UNC13C: variants seen among roughly 807,000 people sequenced by gnomAD.
UNC13C encodes protein unc-13 homolog C.
UNC13C carries 174 observed loss-of-function variants against 245.4 expected under a neutral mutation model. That is an observed-to-expected ratio of 0.71 (90% CI 0.63 to 0.80). UNC13C has a LOEUF of 0.80. Ranked by LOEUF, UNC13C falls within the 30% of genes least tolerant of loss-of-function variation. The pLI is 0.00. For missense variants in UNC13C, 2,829 were observed against 2,602.9 expected (o/e 1.09, Z -1.89); for synonymous variants, 992 against 895.1 (o/e 1.11, Z -1.93).
intron 24 of UNC13C, among the ~76,000 whole-genome samples, chr15:54,521,110 G>A (rs1305099120): frequency 2.0e-5 from 3 of 152,154 alleles, no homozygotes; most frequent in Non-Finnish European, 2.9e-5. Context: ...AAGTTAAACA[G>A]CATTTTTCTT....
chr15:54,045,188 A>G (rs1896981321), intron 2 of UNC13C, among the ~76,000 whole-genome samples: 5 of 152,210 alleles, frequency 3.3e-5, no homozygotes, highest in Middle Eastern at 6.8e-3. Flanking sequence ...TTCTTCTAAG[A>G]GTTTTATTTA....
chr15:54,298,826 A>T (rs1251600612), intron 12 of UNC13C, among the ~76,000 whole-genome samples: 1 of 152,178 alleles, frequency 6.6e-6, no homozygotes, highest in Non-Finnish European at 1.5e-5. Context: ...ATGTGTTTCA[A>T]AGTAACAAAG....
At chr15:54,291,050 A>C (rs2037284414) in intron 10 of UNC13C, among the ~76,000 whole-genome samples, 1 of 152,110 alleles carries the variant, frequency 6.6e-6, no homozygotes, top group African/African-American at 2.4e-5. Flanking sequence ...GAAATAAACT[A>C]GTAGTTGTGT....
chr15:53,917,247 A>G, the UNC13C span, among the ~76,000 whole-genome samples: 1 of 152,330 alleles, frequency 6.6e-6, no homozygotes, highest in Non-Finnish European at 1.5e-5. Context: ...CCTGATGAAT[A>G]AACCTCCCAG....
At chr15:54,394,363 C>T (rs978560761) in intron 18 of UNC13C, among the ~76,000 whole-genome samples, 1 of 151,708 alleles carries the variant, frequency 6.6e-6, no homozygotes, top group Non-Finnish European at 1.5e-5. Flanking sequence ...TCTGCCTTTT[C>T]TTCCTGATGG....
intron 4 of UNC13C, among the ~76,000 whole-genome samples, chr15:54,221,457 T>C (rs1281210093): frequency 6.6e-6 from 1 of 151,544 alleles, no homozygotes; most frequent in Admixed American, 6.6e-5. Flanking sequence ...ATGGAGTCTA[T>C]AATAGTCATC....
At chr15:54,000,058 G>A (rs1301348287) in intron 1 of UNC13C, among the ~76,000 whole-genome samples, 1 of 152,022 alleles carries the variant, frequency 6.6e-6, no homozygotes, top group Non-Finnish European at 1.5e-5. Context: ...AGAAAAATTA[G>A]ATGACTTCCA....
the UNC13C span, among the ~76,000 whole-genome samples, chr15:53,864,276 G>C: frequency 6.6e-6 from 1 of 152,096 alleles, no homozygotes; most frequent in African/African-American, 2.4e-5. Flanking sequence ...TACTGAGGTT[G>C]GTGTGATCAC....
At chr15:54,030,082 C>T (rs1446171191) in intron 2 of UNC13C, among the ~76,000 whole-genome samples, 1 of 152,146 alleles carries the variant, frequency 6.6e-6, no homozygotes, top group Non-Finnish European at 1.5e-5. Flanking sequence ...GCAGCAGCGG[C>T]AGCAGGTTCA....
intron 19 of UNC13C, among the ~76,000 whole-genome samples, chr15:54,471,495 A>G (rs1892458942): frequency 6.6e-6 from 1 of 151,516 alleles, no homozygotes; most frequent in African/African-American, 2.4e-5. Context: ...GTTTTGTCTG[A>G]AATAAGTATA....
At chr15:54,544,084 A>G (rs1896370036) in intron 26 of UNC13C, among the ~76,000 whole-genome samples, 1 of 152,148 alleles carries the variant, frequency 6.6e-6, no homozygotes, top group Admixed American at 6.5e-5. Context: ...GCACATCAAA[A>G]AGCTTATCTA....
the UNC13C span, among the ~76,000 whole-genome samples, chr15:53,850,696 C>T: frequency 6.6e-6 from 1 of 152,064 alleles, no homozygotes; most frequent in African/African-American, 2.4e-5. Context: ...TTTTATTCAG[C>T]ATATTTGATG....
intron 8 of UNC13C, among the ~76,000 whole-genome samples, chr15:54,255,451 C>A (rs551390411): frequency 6.6e-6 from 1 of 152,114 alleles, no homozygotes; most frequent in East Asian, 1.9e-4. Flanking sequence ...AGTCTGCCGA[C>A]GTGACGATTT....
intron 14 of UNC13C, among the ~76,000 whole-genome samples, chr15:54,331,532 C>T (rs906664694): frequency 3.3e-5 from 5 of 152,068 alleles, no homozygotes; most frequent in Non-Finnish European, 1.5e-5. Flanking sequence ...TCTGCATTTG[C>T]TTCCAAAAAG....
In UNC13C at chr15:54,393,166, C is replaced by T. The variant is rs2039998115; in HGVS notation, c.4832C>T (p.Thr1611Ile). Residue 1611 changes from threonine (T) to isoleucine (I), a missense_variant, in exon 18 of 33, where the codon ACA (threonine) becomes ATA (isoleucine). By Grantham distance (89) the Thr-to-Ile change is moderately conservative. Coordinates refer to ENST00000260323, the MANE Select transcript of UNC13C (RefSeq NM_001080534.3). The stretch of plus-strand genomic sequence containing the variant: ...ATTGATGAGGATAAAACTGCCTACA[C>T]ACCTGTCCTGAATCAGTAAGTACAA... Reference protein sequence around the residue: ...TIIDEDKTAYTPVLNQFPQEL... With the variant: ...TIIDEDKTAYIPVLNQFPQEL... 6.3e-7 allele frequency: 1 copy of T among 1,592,916 alleles called. No individual in the cohort carries two copies. Among genetic ancestry groups the T allele is most frequent in the Non-Finnish European group, 8.5e-7 (1 of 1,172,992 alleles).
the UNC13C span, among the ~76,000 whole-genome samples, chr15:53,944,942 T>C: frequency 1.3e-5 from 2 of 152,224 alleles, no homozygotes; most frequent in African/African-American, 4.8e-5. Context: ...TTTTACTTTT[T>C]AATAATAGCC....
intron 19 of UNC13C, among the ~76,000 whole-genome samples, chr15:54,441,703 ATT>A (rs77178188): frequency 1.3e-5 from 2 of 150,580 alleles, no homozygotes; most frequent in African/African-American, 2.4e-5. Flanking sequence ...GAATTTTAGG[ATT>A]TTTTTTTTCA....
At chr15:54,210,861 G>A (rs1244695663) in intron 4 of UNC13C, among the ~76,000 whole-genome samples, 3 of 152,102 alleles carry the variant, frequency 2.0e-5, no homozygotes, top group African/African-American at 7.2e-5. Context: ...GGCCTTTGTG[G>A]ATGCAGGACA....
At chr15:54,208,061 G>C (rs1037876439) in intron 4 of UNC13C, among the ~76,000 whole-genome samples, 1 of 152,112 alleles carries the variant, frequency 6.6e-6, no homozygotes, top group Non-Finnish European at 1.5e-5. Flanking sequence ...CACTTGCTCA[G>C]CTTCTGGTGA....
Sources: allele counts gnomAD v4.1 joint callset (sites outside exome capture counted in the v4.1 genomes callset), GRCh38; gene constraint gnomAD v4.1.1; transcripts MANE v1.5; gene names NCBI Gene and HGNC (gene_info 2026-07-23, HGNC 2026-07-21).